Variants in CR1 observed in about 807,000 individuals in gnomAD.
CR1 encodes complement C3b/C4b receptor 1 (Knops blood group), also known as complement receptor type 1.
In CR1, 116 loss-of-function variants were observed where a neutral mutation model predicts 187.3. The observed-to-expected ratio is 0.62, with a 90% CI of 0.53 to 0.72. CR1 has a LOEUF of 0.72. Ranked by LOEUF, CR1 falls within the 30% of genes least tolerant of loss-of-function variation. CR1 has a pLI of 0.00. For missense variants in CR1, 1,731 were observed against 2,110.7 expected (o/e 0.82, Z 3.52); for synonymous variants, 576 against 747.1 (o/e 0.77, Z 3.73).
At chr1:207,563,786 T>G in intron 21 of CR1, 78 bp from the exon 22 acceptor site, 1 of 839,256 alleles carries the variant, frequency 1.2e-6, no homozygotes, top group Non-Finnish European at 1.6e-6. Flanking sequence ...TTCGTAATTA[T>G]TATTCCCTTG....
At chr1:207,620,099 C>T (rs55662143) in intron 43 of CR1, 34 bp downstream of exon 43, 58 of 1,584,008 alleles carry the variant, frequency 3.7e-5, no homozygotes, top group South Asian at 7.0e-5. Flanking sequence ...GGGATCTTCC[C>T]GGTCATGGTT....
At chr1:207,612,075 A>G in intron 39 of CR1, 34 bp downstream of exon 39, 1 of 1,594,108 alleles carries the variant, frequency 6.3e-7, no homozygotes, top group South Asian at 1.1e-5. Context: ...CCAAGGACTC[A>G]GTGTGGAGAA....
At chr1:207,623,209 T>G (rs1293670564) in intron 45 of CR1, 141 bp downstream of exon 45, 5 of 615,674 alleles carry the variant, frequency 8.1e-6, no homozygotes, top group Admixed American at 3.0e-5. Flanking sequence ...TGACACACAG[T>G]ATAGACAAAG....
At position 207,632,395 on chromosome 1, in the gene CR1, A is replaced by G. The variant is rs139676797; in HGVS notation, c.7457+1774A>G. 7.8e-3 allele frequency among the ~76,000 whole-genome samples: 1,191 copies of G among 152,332 alleles called. 21 individuals are homozygous for G. The highest frequency in any genetic ancestry group is 0.027 in the African/African-American group (1,127 of 41,562). On this transcript the variant is annotated intron_variant, in intron 46 of 46. Coordinates refer to ENST00000367049, the MANE Select transcript of CR1 (RefSeq NM_000651.6). Reference sequence around the variant, plus strand: ...TTCCTAGAGAATATATTTTTCTAATATTACTCCAATAGTTCAAATAAAAAT... The same window carrying G: ...TTCCTAGAGAATATATTTTTCTAATGTTACTCCAATAGTTCAAATAAAAAT...
At chr1:207,633,978 T>C (rs1281422301) in intron 46 of CR1, among the ~76,000 whole-genome samples, 1 of 152,142 alleles carries the variant, frequency 6.6e-6, no homozygotes, top group Non-Finnish European at 1.5e-5. Context: ...GGGGAGCTTT[T>C]TGAGCCAGGA....
In CR1 at chr1:207,506,024, C is replaced by G. The variant is rs748011435; in HGVS notation, c.242C>G (p.Pro81Arg). The G allele has an allele frequency of 1.2e-6, 2 of 1,613,806 alleles. No individual in the cohort carries two copies. Among genetic ancestry groups the G allele is most frequent in the South Asian group, 1.1e-5 (1 of 91,064 alleles). ...TGCCGCCCTGGTTATTCCGGAAGAC[C>G]GTTTTCTATCATCTGCCTAAAAAAC... ...YECRPGYSGR[P>R]FSIICLKNSV... The change falls in exon 2 of 47, where the codon CCG (proline) becomes CGG (arginine). Residue 81 changes from proline (P) to arginine (R), a missense_variant. Pro to Arg is a moderately radical substitution (Grantham distance 103). Transcript: ENST00000367049.
rs1435428662 is a variant in CR1 at position 207,568,048 on chromosome 1, T to C, written c.4171+6T>C. On this transcript the variant is annotated splice_donor_region_variant and intron_variant, in intron 25 of 46. Coordinates refer to ENST00000367049, the MANE Select transcript of CR1 (RefSeq NM_000651.6). ...CCCTCGCTGTGGAATTCTGGGTTAG[T>C]GCTCATTTCCCCACATCCCTAATGG... 6.2e-7 allele frequency: 1 copy of C among 1,610,818 alleles called. No homozygotes were observed. Among genetic ancestry groups the C allele is most frequent in the Non-Finnish European group, 8.5e-7 (1 of 1,179,636 alleles).
chr1:207,577,259 A>AAC (rs1181595164), intron 28 of CR1, among the ~76,000 whole-genome samples: 1 of 132,856 alleles, frequency 7.5e-6, no homozygotes, highest in Non-Finnish European at 1.6e-5. Context: ...AAAACAAACA[A>AAC]ACAAACAAAA....
At position 207,616,815 on chromosome 1, in the gene CR1, T is replaced by C. The variant is rs1662114397; in HGVS notation, c.6889+13T>C. On this transcript the variant is annotated intron_variant, in intron 41 of 46. Coordinates refer to ENST00000367049, the MANE Select transcript of CR1 (RefSeq NM_000651.6). ...TCTGTTCCTGCTGGTTAGTACCTGCTTCCACATATCCTAAATGGGTTCAGA... is the reference window on the plus strand; with the variant it reads ...TCTGTTCCTGCTGGTTAGTACCTGCCTCCACATATCCTAAATGGGTTCAGA... The C allele has an allele frequency of 6.2e-7, 1 of 1,613,316 alleles. No homozygotes were observed. Among genetic ancestry groups the C allele is most frequent in the South Asian group, 1.1e-5 (1 of 91,046 alleles).
chr1:207,581,200 A>G (rs1660929046), intron 31 of CR1, among the ~76,000 whole-genome samples: 1 of 150,466 alleles, frequency 6.6e-6, no homozygotes, highest in South Asian at 2.1e-4. Flanking sequence ...GGACACGTAT[A>G]TGTAGACGTA....
intron 33 of CR1, 135 bp downstream of exon 33, chr1:207,585,011 C>A (rs1466145792): frequency 1.5e-6 from 2 of 1,364,758 alleles, no homozygotes; most frequent in African/African-American, 1.5e-5. Context: ...AATTACATAC[C>A]ATAGCTAAAA....
rs1038344960 is a variant in CR1 at position 207,580,325 on chromosome 1, C to T, written c.5022C>T (p.Tyr1674=). The change falls in exon 30 of 47, where the codon TAC becomes TAT. Residue 1674 remains tyrosine (Y), a synonymous_variant. Coordinates refer to ENST00000367049, the MANE Select transcript of CR1 (RefSeq NM_000651.6). The stretch of plus-strand genomic sequence containing the variant: ...TTTCACCTGGGCAGGAAGTGTTCTA[C>T]AGCTGTGAGCCTGGCTATGACCTCA... ...DNFSPGQEVF[Y]SCEPGYDLRG... The T allele has an allele frequency of 2.5e-6, 4 of 1,613,772 alleles. No individual in the cohort carries two copies. The African/African-American group carries it at 4.0e-5, about 16-fold the overall frequency.
chr1:207,576,136 T>C (rs1181007310), intron 28 of CR1, among the ~76,000 whole-genome samples: 29 of 152,230 alleles, frequency 1.9e-4, no homozygotes, highest in Admixed American at 1.9e-3. Context: ...GTTTGGAAGA[T>C]GAGCTTTCTA....
intron 41 of CR1, among the ~76,000 whole-genome samples, chr1:207,617,756 G>A (rs1662192372): frequency 6.6e-6 from 1 of 151,046 alleles, no homozygotes; most frequent in African/African-American, 2.4e-5. Context: ...GTGTGGCTGT[G>A]ACTGCCCACA....
At chr1:207,609,220 A>G in intron 36 of CR1, 70 bp from the exon 37 acceptor site, 1 of 1,330,000 alleles carries the variant, frequency 7.5e-7, no homozygotes, top group South Asian at 1.5e-5. Flanking sequence ...TGCATTTGGT[A>G]TTTAAATTCA....
chr1:207,602,042 C>A (rs1337395369), intron 35 of CR1, among the ~76,000 whole-genome samples: 1 of 152,080 alleles, frequency 6.6e-6, no homozygotes, highest in Non-Finnish European at 1.5e-5. Flanking sequence ...CACACTATAT[C>A]ATTTCCACTT....
chr1:207,578,392 A>G (rs1660834606), intron 29 of CR1, among the ~76,000 whole-genome samples, 189 bp downstream of exon 29: 1 of 152,222 alleles, frequency 6.6e-6, no homozygotes, highest in Non-Finnish European at 1.5e-5. Context: ...TCATTTGGAA[A>G]GCAAGACCTT....
rs1481184874 is a variant in CR1, at chr1:207,582,144, G to A, written c.5302+141G>A. ...TTGTTCTTTGTTGGAATAGATACAA[G>A]CAATGTTTTGGGGAAAAATAAACAT... On this transcript the variant is annotated intron_variant, in intron 32 of 46. Transcript: ENST00000367049. 3.0e-5 allele frequency: 15 copies of A among 506,424 alleles called. No individual in the cohort carries two copies. The South Asian group carries it at 4.0e-4, about 14-fold the overall frequency. The allele number at this position is 506,424 out of a possible 1,614,324, so 31.4% of individuals were successfully genotyped here.
intron 35 of CR1, among the ~76,000 whole-genome samples, chr1:207,598,522 C>G (rs1408877813): frequency 6.6e-6 from 1 of 151,854 alleles, no homozygotes; most frequent in Non-Finnish European, 1.5e-5. Context: ...AGGGTTCAAG[C>G]CATTATCCTG....
Sources: gnomAD v4.1 joint callset for allele counts (sites outside exome capture counted in the v4.1 genomes callset) on GRCh38, gnomAD v4.1.1 for gene constraint, MANE v1.5 for transcripts, NCBI Gene and HGNC (gene_info 2026-07-23, HGNC 2026-07-21) for gene names.